STK31: variants seen among roughly 807,000 people sequenced by gnomAD.
STK31 encodes the protein serine/threonine kinase 31, also known as serine/threonine-protein kinase 31.
A neutral mutation model predicts 129.7 loss-of-function variants in STK31; 89 were observed. The ratio of observed to expected loss-of-function variants is 0.69; its 90% CI spans 0.58 to 0.82. The LOEUF is 0.82. STK31 is among the 40% of genes least tolerant of loss of function. The probability of loss-of-function intolerance (pLI) is 0.00; values close to 1 mark genes in which losing one functional copy is unlikely to be tolerated. For synonymous variants in STK31, 448 were observed against 395.3 expected, an observed-to-expected ratio of 1.13 and a Z score of -1.58; for missense variants, 1,187 against 1,176.4, an observed-to-expected ratio of 1.01 and a Z score of -0.13.
intron 23 of STK31, among the ~76,000 whole-genome samples, chr7:23,822,820 C>T (rs952531591): frequency 1.3e-4 from 20 of 152,030 alleles, no homozygotes; most frequent in Non-Finnish European, 2.8e-4. Flanking sequence ...TTGTTCAGTT[C>T]CCACCTGTGA....
At chr7:23,788,734 C>A (rs1435669590) in intron 21 of STK31, among the ~76,000 whole-genome samples, 1 of 152,046 alleles carries the variant, frequency 6.6e-6, no homozygotes, top group Non-Finnish European at 1.5e-5. Context: ...ATATATTTAT[C>A]ATATACAACA....
chr7:23,764,133 A>T (rs1789661124), intron 11 of STK31, among the ~76,000 whole-genome samples: 1 of 152,228 alleles, frequency 6.6e-6, no homozygotes, highest in Non-Finnish European at 1.5e-5. Flanking sequence ...GGAATTGCAT[A>T]AATAGTATAA....
rs1785847410 is a variant in STK31, at chr7:23,710,275, G to GA, written c.-8dup. The GA allele has an allele frequency of 6.2e-7, 1 of 1,611,314 alleles. No homozygotes were observed. The highest frequency in any genetic ancestry group is 8.5e-7 in the Non-Finnish European group (1 of 1,179,730). ...CGTGTGCTACGGCGGGCGGAGGGCCGAAAGTCCAGTATGTGGGTCCAGGGT... is the reference window on the plus strand; with the variant it reads ...CGTGTGCTACGGCGGGCGGAGGGCCGAAAAGTCCAGTATGTGGGTCCAGGGT... On this transcript the variant is annotated 5_prime_UTR_variant, in exon 1 of 24. Coordinates refer to ENST00000355870, the MANE Select transcript of STK31 (RefSeq NM_031414.5).
At chr7:23,802,264 C>G (rs1222023319) in intron 22 of STK31, among the ~76,000 whole-genome samples, 1 of 152,202 alleles carries the variant, frequency 6.6e-6, no homozygotes, top group Non-Finnish European at 1.5e-5. Context: ...AATTTTGTCA[C>G]ATATCACCTT....
intron 4 of STK31, 88 bp from the exon 5 acceptor site, chr7:23,727,153 A>G (rs1787136823): frequency 9.8e-7 from 1 of 1,022,594 alleles, no homozygotes; most frequent in East Asian, 2.5e-5. Flanking sequence ...TTATTGACAT[A>G]TAGGAAGAGC....
upstream of STK31, chr7:23,710,172 C>G (rs1785834352): frequency 2.5e-6 from 4 of 1,575,626 alleles, no homozygotes; most frequent in East Asian, 4.5e-5. Context: ...CCGCTAACAC[C>G]GGATGATGGC....
chr7:23,797,135 A>G (rs926098674), intron 22 of STK31, among the ~76,000 whole-genome samples: 2 of 152,176 alleles, frequency 1.3e-5, no homozygotes, highest in African/African-American at 4.8e-5. Flanking sequence ...GAGACCTACA[A>G]AGAGACTTAG....
rs1465498736 is a variant in STK31, at chr7:23,729,827, T to G, written c.483+578T>G. Among the ~76,000 whole-genome samples, 3 of 152,160 alleles carry G rather than the reference T, an allele frequency of 2.0e-5. No individual in the cohort carries two copies. In the East Asian group the frequency reaches 5.8e-4, roughly 29 times the overall value. ...GCCCAGCCAAGGATAGTCTCTTATA[T>G]GATGGAGAAAATAATGAATACAGTT... On this transcript the variant is annotated intron_variant, in intron 6 of 23. Transcript: ENST00000355870.
intron 22 of STK31, among the ~76,000 whole-genome samples, chr7:23,813,078 C>CTTTTT (rs70956924): frequency 0.021 from 1,987 of 93,350 alleles, 2 homozygotes; most frequent in East Asian, 0.032. Context: ...GCTCTCTGTT[C>CTTTTT]TTTTTTTTTT....
intron 1 of STK31, chr7:23,710,669 C>A: frequency 8.9e-7 from 1 of 1,119,822 alleles, no homozygotes; most frequent in Non-Finnish European, 1.1e-6. Context: ...TACGTGTACC[C>A]GTTTCTTCCA....
intron 15 of STK31, among the ~76,000 whole-genome samples, chr7:23,775,777 A>G (rs1249456934): frequency 6.6e-6 from 1 of 152,234 alleles, no homozygotes; most frequent in Non-Finnish European, 1.5e-5. Flanking sequence ...ATCTGCAAAC[A>G]GAGACAATTT....
Position 23,832,351 on chromosome 7 carries a change from C to G in STK31, c.3045C>G (p.Ala1015=), listed in dbSNP as rs371248694. 1 of 1,607,942 alleles carries G rather than the reference C, an allele frequency of 6.2e-7. No homozygotes were observed. Among genetic ancestry groups the G allele is most frequent in the African/African-American group, 1.3e-5 (1 of 74,356 alleles). Residue 1015 remains alanine, a synonymous_variant, in exon 24 of 24, where the codon GCC becomes GCG. Coordinates refer to ENST00000355870, the MANE Select transcript of STK31 (RefSeq NM_031414.5). ...TGGAGAAGACAAGAAATGGTGAAGC[C>G]AACTTTGATTGTTAAATTATTATTG... ...KCMEKTRNGE[A]NFDC
intron 23 of STK31, among the ~76,000 whole-genome samples, chr7:23,830,034 C>G (rs1162786117): frequency 6.6e-6 from 1 of 152,132 alleles, no homozygotes; most frequent in Non-Finnish European, 1.5e-5. Context: ...ACTGCAAGCT[C>G]CGCCTCCCGG....
At chr7:23,824,075 A>G (rs1793958325) in intron 23 of STK31, among the ~76,000 whole-genome samples, 1 of 152,212 alleles carries the variant, frequency 6.6e-6, no homozygotes, top group African/African-American at 2.4e-5. Flanking sequence ...TGACTTGGCA[A>G]TGCGGGCTCT....
intron 13 of STK31, among the ~76,000 whole-genome samples, chr7:23,770,564 A>G (rs1790118818): frequency 6.6e-6 from 1 of 152,162 alleles, no homozygotes; most frequent in Admixed American, 6.6e-5. Context: ...CTCTTATTCT[A>G]CACAGCTTTG....
chr7:23,830,585 T>A (rs1231592281), intron 23 of STK31, among the ~76,000 whole-genome samples: 1 of 140,424 alleles, frequency 7.1e-6, no homozygotes, highest in East Asian at 2.1e-4. Flanking sequence ...GTTGTTTAAT[T>A]TCCATGTTGT....
At chr7:23,757,083 A>G (rs1453488743) in intron 10 of STK31, among the ~76,000 whole-genome samples, 1 of 152,028 alleles carries the variant, frequency 6.6e-6, no homozygotes, top group East Asian at 1.9e-4. Flanking sequence ...TGTTCTTTGT[A>G]TTTCTGGTAG....
At chr7:23,734,354 TC>T (rs1420273199) in intron 6 of STK31, among the ~76,000 whole-genome samples, 2 of 152,164 alleles carry the variant, frequency 1.3e-5, no homozygotes, top group Non-Finnish European at 2.9e-5. Context: ...CTTTATATAT[TC>T]CGAAAAAGAA....
At chr7:23,759,567 CA>C (rs927094181) in intron 10 of STK31, among the ~76,000 whole-genome samples, 5 of 152,118 alleles carry the variant, frequency 3.3e-5, no homozygotes, top group South Asian at 4.2e-4. Context: ...TAATTTCCTT[CA>C]TTTATTGCCT....
Sources: allele counts gnomAD v4.1 joint callset (sites outside exome capture counted in the v4.1 genomes callset), GRCh38; gene constraint gnomAD v4.1.1; transcripts MANE v1.5; gene names NCBI Gene and HGNC (gene_info 2026-07-23, HGNC 2026-07-21).